The following NLRP5 variants were observed in gnomAD, a reference collection of about 807,000 sequenced individuals.
NLRP5 encodes NACHT, LRR and PYD domains-containing protein 5.
A neutral mutation model predicts 113.1 loss-of-function variants in NLRP5; 93 were observed. The observed-to-expected ratio is 0.82, with a 90% CI of 0.70 to 0.98. The LOEUF (loss-of-function observed/expected upper bound fraction) is 0.98, where lower values mean the gene tolerates loss of function less well. Ranked by LOEUF, NLRP5 falls within the 50% of genes least tolerant of loss-of-function variation. NLRP5 has a pLI of 0.00. For synonymous variants in NLRP5, 751 were observed against 600.7 expected (o/e 1.25, Z -3.66); for missense variants, 1,808 against 1,514.3 (o/e 1.19, Z -3.22).
Position 56,027,174 on chromosome 19 carries a change from C to T in NLRP5, c.941C>T (p.Ser314Phe), listed in dbSNP as rs1369528449. The stretch of plus-strand genomic sequence containing the variant: ...GGTGGACTCTACCAGGGAATGTTCT[C>T]CTACGTCTTCTTCCTCCCCGTTAGA... The change falls in exon 7 of 15, where the codon TCC (serine) becomes TTC (phenylalanine). Residue 314 changes from serine to phenylalanine, a missense_variant. Coordinates refer to ENST00000390649, the MANE Select transcript of NLRP5 (RefSeq NM_153447.4). 2 of 1,606,998 alleles carry T rather than the reference C, an allele frequency of 1.2e-6. No homozygotes were observed. The highest frequency in any genetic ancestry group is 1.7e-4 in the Middle Eastern group (1 of 6,056).
At chr19:56,008,678 G>A (rs1167554263) in intron 2 of NLRP5, 110 bp from the exon 3 acceptor site, 2 of 900,028 alleles carry the variant, frequency 2.2e-6, no homozygotes, top group East Asian at 2.6e-5. Context: ...GAGATCCTGA[G>A]GTTTGTCTTG....
chr19:56,016,034 T>C (rs1405636216), intron 4 of NLRP5, among the ~76,000 whole-genome samples: 1 of 152,204 alleles, frequency 6.6e-6, no homozygotes, highest in Non-Finnish European at 1.5e-5. Flanking sequence ...AAAATAAGAA[T>C]TGTATATACT....
chr19:56,057,110 T>A (rs1460284054), intron 13 of NLRP5, among the ~76,000 whole-genome samples: 6 of 152,202 alleles, frequency 3.9e-5, no homozygotes, highest in Non-Finnish European at 8.8e-5. Context: ...CACCCCAGCC[T>A]CAGCGATAGA....
At chr19:56,001,612 G>C (rs1486792596) in intron 1 of NLRP5, among the ~76,000 whole-genome samples, 1 of 152,128 alleles carries the variant, frequency 6.6e-6, no homozygotes, top group African/African-American at 2.4e-5. Flanking sequence ...GTATAAAGCA[G>C]GTGCCCTGTC....
the NLRP5 span, among the ~76,000 whole-genome samples, chr19:55,992,734 C>T: frequency 6.6e-6 from 1 of 152,094 alleles, no homozygotes; most frequent in Non-Finnish European, 1.5e-5. Context: ...GGCCCCAAAG[C>T]CAAAAATGCC....
At chr19:56,007,238 C>T (rs1568482700) in intron 2 of NLRP5, among the ~76,000 whole-genome samples, 1 of 151,094 alleles carries the variant, frequency 6.6e-6, no homozygotes, top group Non-Finnish European at 1.5e-5. Context: ...GTGGCAGGCA[C>T]CTGTAATCCC....
chr19:56,050,322 G>T, intron 11 of NLRP5, 96 bp from the exon 12 acceptor site: 96 of 1,080,728 alleles, frequency 8.9e-5, no homozygotes, highest in Middle Eastern at 3.1e-4. Flanking sequence ...ACCCTACACA[G>T]AAGCAGACTG....
intron 6 of NLRP5, among the ~76,000 whole-genome samples, chr19:56,025,404 C>CTCTCTCTCTCTCTCTCTG (rs1238051528): frequency 2.6e-5 from 4 of 151,008 alleles, no homozygotes; most frequent in Admixed American, 1.3e-4. Context: ...CTCTCTCTCT[C>CTCTCTCTCTCTCTCTCTG]TGTCTCTCTG....
Position 56,040,183 on chromosome 19 carries a change from A to G in NLRP5, c.2787-739A>G, listed in dbSNP as rs918612856. 5.9e-4 allele frequency among the ~76,000 whole-genome samples: 90 copies of G among 152,054 alleles called. 2 individuals carry two copies. ...GCTGGTCTCGAACTCCTGGGCTCAA[A>G]CAGTCCTCCTGCCTCAGCCTCTCAA... is the stretch of plus-strand genomic sequence containing the variant. On this transcript the variant is annotated intron_variant, in intron 10 of 14. Coordinates refer to ENST00000390649, the MANE Select transcript of NLRP5 (RefSeq NM_153447.4).
intron 9 of NLRP5, among the ~76,000 whole-genome samples, chr19:56,035,746 A>C (rs1599899143): frequency 6.6e-6 from 1 of 152,096 alleles, no homozygotes. Flanking sequence ...TTTTCCTGAC[A>C]CCTGGCCCGT....
At chr19:55,999,019 C>T (rs1407383383), upstream of NLRP5, among the ~76,000 whole-genome samples, 1 of 151,498 alleles carries the variant, frequency 6.6e-6, no homozygotes, top group South Asian at 2.1e-4. Context: ...ACTCTAGTTG[C>T]CATGCTGTGC....
intron 1 of NLRP5, chr19:55,999,866 C>A: frequency 9.8e-7 from 1 of 1,018,400 alleles, no homozygotes; most frequent in Non-Finnish European, 1.6e-6. Context: ...GAATCCCCTG[C>A]CCTCGCTGCT....
At position 56,027,341 on chromosome 19, in the gene NLRP5, G is replaced by T; in HGVS notation, c.1108G>T (p.Val370Phe). The change falls in exon 7 of 15, where the codon GTC (valine) becomes TTC (phenylalanine). Residue 370 changes from valine (V) to phenylalanine (F), a missense_variant. Val to Phe is a conservative substitution (Grantham distance 50). Transcript: ENST00000390649. ...TGACGGTTTCGATGACCTGGGCTCT[G>T]TCCTCAACAATGACACAAAGCTCTG... 6.2e-7 allele frequency: 1 copy of T among 1,613,036 alleles called. No homozygotes were observed. The highest frequency in any genetic ancestry group is 8.5e-7 in the Non-Finnish European group (1 of 1,179,842).
Position 56,027,976 on chromosome 19 carries a change from C to T in NLRP5, c.1743C>T (p.Thr581=), listed in dbSNP as rs766870522. Residue 581 remains threonine, a synonymous_variant, in exon 7 of 15, where the codon ACC becomes ACT. Coordinates refer to ENST00000390649, the MANE Select transcript of NLRP5 (RefSeq NM_153447.4). ...ACAGCCACTGTGAGGAGTACTACAC[C>T]TTCTTCCACCTCAGTCTCCAGGACT... The T allele has an allele frequency of 1.9e-6, 3 of 1,613,954 alleles. No individual in the cohort carries two copies. Among genetic ancestry groups the T allele is most frequent in the Non-Finnish European group, 2.5e-6 (3 of 1,179,870 alleles).
chr19:55,993,818 A>G, the NLRP5 span, among the ~76,000 whole-genome samples: 1 of 151,152 alleles, frequency 6.6e-6, no homozygotes, highest in African/African-American at 2.4e-5. Context: ...GTTGTCACAA[A>G]TGGCAGGATT....
chr19:56,044,254 G>T (rs1983640448), intron 11 of NLRP5, among the ~76,000 whole-genome samples: 1 of 151,766 alleles, frequency 6.6e-6, no homozygotes, highest in Non-Finnish European at 1.5e-5. Context: ...AGTAGAGACG[G>T]GGTTTCACTG....
In NLRP5 at chr19:56,027,592, A is replaced by AG; in HGVS notation, c.1362dup (p.Leu455ValfsTer9). 6.2e-7 allele frequency: 1 copy of AG among 1,613,904 alleles called. No homozygotes were observed. Among genetic ancestry groups the AG allele is most frequent in the Non-Finnish European group, 8.5e-7 (1 of 1,179,884 alleles). ...GGATTGGTGAGCATCAGAAGACACA[A>AG]GGGTTGCGTGCGATCATGAACAACC... On this transcript the variant is annotated frameshift_variant, in exon 7 of 15. Coordinates refer to ENST00000390649, the MANE Select transcript of NLRP5 (RefSeq NM_153447.4). LOFTEE classifies it high-confidence loss of function.
At chr19:56,039,151 C>G (rs916872548) in intron 10 of NLRP5, among the ~76,000 whole-genome samples, 1 of 152,196 alleles carries the variant, frequency 6.6e-6, no homozygotes, top group African/African-American at 2.4e-5. Flanking sequence ...ATAACCCTAT[C>G]GACAGATGAG....
intron 7 of NLRP5, 143 bp from the exon 8 acceptor site, chr19:56,032,468 G>A (rs1983156365): frequency 3.3e-6 from 2 of 614,684 alleles, no homozygotes; most frequent in Non-Finnish European, 5.6e-6. Flanking sequence ...AAAGTGTGAT[G>A]GCAGCCGCTA....
Sources: allele counts gnomAD v4.1 joint callset (sites outside exome capture counted in the v4.1 genomes callset), GRCh38; gene constraint gnomAD v4.1.1; transcripts MANE v1.5; gene names NCBI Gene and HGNC (gene_info 2026-07-23, HGNC 2026-07-21).